RIPK4: variants seen among roughly 807,000 people sequenced by gnomAD.
The protein encoded by RIPK4 is receptor-interacting serine/threonine-protein kinase 4.
A neutral mutation model predicts 42.9 loss-of-function variants in RIPK4; 17 were observed. That is an observed-to-expected ratio of 0.40 (90% CI 0.27 to 0.59). The LOEUF (loss-of-function observed/expected upper bound fraction) is 0.59, where lower values mean the gene tolerates loss of function less well. Among genes scored for constraint, RIPK4 ranks in the 20% least tolerant of loss-of-function variants. The pLI, the probability that RIPK4 is intolerant of heterozygous loss-of-function variation, is 0.47. For missense variants in RIPK4, 897 were observed against 1,104.4 expected, an observed-to-expected ratio of 0.81 and a Z score of 2.66; for synonymous variants, 498 against 499.1, an observed-to-expected ratio of 1.00 and a Z score of 0.03.
Position 41,755,044 on chromosome 21 carries a change from G to A in RIPK4, c.474+1481C>T, listed in dbSNP as rs1429870318. Among the ~76,000 whole-genome samples, 1 of 152,154 alleles carries A rather than the reference G, an allele frequency of 6.6e-6. No homozygotes were observed. The highest frequency in any genetic ancestry group is 1.9e-4 in the East Asian group (1 of 5,194). ...GGTATTCAGTGCACGTTGGACGGCA[G>A]AGCTTACTAGTCATTAGGGCCCCAG... On this transcript the variant is annotated intron_variant, in intron 2 of 7. Transcript: ENST00000332512. This position sits in a 1 kb window ranked among gnomAD's most constrained non-coding sequence, Gnocchi z 4.2.
intron 2 of RIPK4, among the ~76,000 whole-genome samples, chr21:41,754,925 ACT>A (rs2061198777): frequency 6.6e-6 from 1 of 152,172 alleles, no homozygotes; most frequent in African/African-American, 2.4e-5. Flanking sequence ...CTAAGCAGAG[ACT>A]CAGCGAGAAC....
intron 1 of RIPK4, among the ~76,000 whole-genome samples, chr21:41,765,714 A>T (rs2061234142): frequency 1.3e-5 from 2 of 152,248 alleles, no homozygotes; most frequent in African/African-American, 2.4e-5. Context: ...ATGGTATTTT[A>T]AAAAGGTGTC....
chr21:41,765,347 A>AGGCAG (rs1013253553), intron 1 of RIPK4, among the ~76,000 whole-genome samples: 2 of 152,206 alleles, frequency 1.3e-5, no homozygotes, highest in African/African-American at 4.8e-5. Context: ...CCAGAATCTG[A>AGGCAG]GGCAGGGGAG....
intron 4 of RIPK4, among the ~76,000 whole-genome samples, chr21:41,748,382 G>A (rs1447183136): frequency 6.6e-6 from 1 of 152,222 alleles, no homozygotes; most frequent in Non-Finnish European, 1.5e-5. Context: ...GTCTTTAGAG[G>A]AAAAGGGAAT....
intron 1 of RIPK4, among the ~76,000 whole-genome samples, chr21:41,762,536 C>T (rs1269433290): frequency 6.6e-6 from 1 of 152,182 alleles, no homozygotes; most frequent in South Asian, 2.1e-4. Flanking sequence ...GGGTGTCGCC[C>T]GGCGGCATTT....
chr21:41,756,886 C>G (rs1297839798), intron 1 of RIPK4, 70 bp from the exon 2 acceptor site: 1 of 1,518,888 alleles, frequency 6.6e-7, no homozygotes, highest in African/African-American at 1.4e-5. Flanking sequence ...AGCACCCTGG[C>G]CAGAAGACGA....
In RIPK4 at chr21:41,751,531, T is replaced by G. The variant is rs552516286; in HGVS notation, c.475-286A>C. ...ATCCGGGACAGAACTGCAGAAGAATTAGAATCCACCTTCTGTAAAGCATCA... is the reference window on the plus strand; with the variant it reads ...ATCCGGGACAGAACTGCAGAAGAATGAGAATCCACCTTCTGTAAAGCATCA... On this transcript the variant is annotated intron_variant, in intron 2 of 7. Coordinates refer to ENST00000332512, the MANE Select transcript of RIPK4 (RefSeq NM_020639.3). The surrounding 1 kb of genome is among the most constrained non-coding windows in gnomAD (Gnocchi z 4.5). 2.6e-5 allele frequency among the ~76,000 whole-genome samples: 4 copies of G among 152,274 alleles called. No homozygotes were observed. The highest frequency in any genetic ancestry group is 5.9e-5 in the Non-Finnish European group (4 of 68,014).
intron 1 of RIPK4, among the ~76,000 whole-genome samples, chr21:41,765,153 T>A (rs943714121): frequency 2.0e-5 from 3 of 152,230 alleles, no homozygotes; most frequent in African/African-American, 7.2e-5. Flanking sequence ...TACTTTGCTC[T>A]TCCAATATAA....
rs774805275 is a variant in RIPK4 at position 41,741,253 on chromosome 21, G to A, written c.1940C>T (p.Thr647Met). ...CAGCCTGGCAGTGCTCGTGTGCCCC[G>A]TCTCCGCGGCCACGTGCAGGGGTGT... ...AQTPLHVAAE[T>M]GHTSTARLLL... The change falls in exon 8 of 8, where the codon ACG becomes ATG. Residue 647 changes from threonine (T) to methionine (M), a missense_variant. Physicochemically the swap from Thr to Met is moderately conservative, Grantham distance 81. Transcript: ENST00000332512. The A allele has an allele frequency of 1.4e-5, 22 of 1,608,520 alleles. No homozygotes were observed. Among genetic ancestry groups the A allele is most frequent in the South Asian group, 3.3e-5 (3 of 90,962 alleles).
chr21:41,746,954 G>A (rs547105895), intron 4 of RIPK4, 183 bp from the exon 5 acceptor site: 8 of 630,194 alleles, frequency 1.3e-5, no homozygotes, highest in East Asian at 6.1e-5. Context: ...CTCATGGTGC[G>A]CCATGCTCTC....
chr21:41,747,507 T>A (rs904418524), intron 4 of RIPK4, among the ~76,000 whole-genome samples: 4 of 152,170 alleles, frequency 2.6e-5, no homozygotes, highest in Admixed American at 1.3e-4. Flanking sequence ...AACAGCCCTC[T>A]CTGCCCTCCA....
At chr21:41,761,591 C>CCGGAGGGTTTTGAGGAAATGACAATT in intron 1 of RIPK4, among the ~76,000 whole-genome samples, 1 of 152,322 alleles carries the variant, frequency 6.6e-6, no homozygotes, top group African/African-American at 2.4e-5. Flanking sequence ...ACCCTCCTCG[C>CCGGAGGGTTTTGAGGAAATGACAATT]CGGAGGGTTT....
At chr21:41,766,797 G>A in intron 1 of RIPK4, 63 bp downstream of exon 1, 3 of 1,515,464 alleles carry the variant, frequency 2.0e-6, no homozygotes, top group East Asian at 4.9e-5. Flanking sequence ...CGGGACCAGA[G>A]CACCCCGACC....
chr21:41,741,611 C>A lies in RIPK4; in HGVS notation c.1582G>T (p.Ala528Ser). Reference sequence around the variant, plus strand: ...TCAAAGTCCACCTCGTTGACCGAGGCGTTCTTCTCCAACAGCAGCCGTGTG... The same window carrying A: ...TCAAAGTCCACCTCGTTGACCGAGGAGTTCTTCTCCAACAGCAGCCGTGTG... ...SSTRLLLEKNASVNEVDFEGR... is the reference protein window; with the variant it reads ...SSTRLLLEKNSSVNEVDFEGR... The change falls in exon 8 of 8, where the codon GCC becomes TCC. Residue 528 changes from alanine to serine, a missense_variant. Coordinates refer to ENST00000332512, the MANE Select transcript of RIPK4 (RefSeq NM_020639.3). 1 of 1,612,590 alleles carries A rather than the reference C, an allele frequency of 6.2e-7. No individual in the cohort carries two copies. The highest frequency in any genetic ancestry group is 8.5e-7 in the Non-Finnish European group (1 of 1,180,030).
At chr21:41,748,713 C>T (rs1260133905) in intron 4 of RIPK4, among the ~76,000 whole-genome samples, 1 of 152,318 alleles carries the variant, frequency 6.6e-6, no homozygotes, top group Admixed American at 6.5e-5. Context: ...AATACCAGCA[C>T]AGGCAAACCC....
intron 2 of RIPK4, among the ~76,000 whole-genome samples, chr21:41,752,810 C>T (rs1213906027): frequency 2.0e-5 from 3 of 152,068 alleles, no homozygotes; most frequent in Admixed American, 6.5e-5. Context: ...ACATCACACG[C>T]CGGGCCCTGT....
intron 3 of RIPK4, among the ~76,000 whole-genome samples, chr21:41,750,506 C>CG (rs1272741620): frequency 6.6e-6 from 1 of 152,052 alleles, no homozygotes. Flanking sequence ...TTCCAACAGA[C>CG]AAGCCATAAA....
Position 41,764,520 on chromosome 21 carries a change from C to A in RIPK4, c.182+2340G>T, listed in dbSNP as rs146392891. Among the ~76,000 whole-genome samples, 1,162 of 152,070 alleles carry A rather than the reference C, an allele frequency of 7.6e-3. 6 individuals are homozygous for A. The highest frequency in any genetic ancestry group is 0.01 in the Non-Finnish European group (700 of 67,996). On this transcript the variant is annotated intron_variant, in intron 1 of 7. Coordinates refer to ENST00000332512, the MANE Select transcript of RIPK4 (RefSeq NM_020639.3). ...GGGGTACAGGGCCGGGGGCTGCACACAAAGACCCTAGGAGAATCCTATGCC... is the reference window on the plus strand; with the variant it reads ...GGGGTACAGGGCCGGGGGCTGCACAAAAAGACCCTAGGAGAATCCTATGCC...
chr21:41,752,315 G>A (rs2061190903), intron 2 of RIPK4, among the ~76,000 whole-genome samples: 3 of 152,122 alleles, frequency 2.0e-5, no homozygotes, highest in African/African-American at 7.2e-5. Context: ...CCTTAATTCT[G>A]GGCTGGCCAT....
Sources: allele counts gnomAD v4.1 joint callset (sites outside exome capture counted in the v4.1 genomes callset), GRCh38; gene constraint gnomAD v4.1.1; non-coding constraint Gnocchi (gnomAD v3.1); transcripts MANE v1.5; gene names NCBI Gene and HGNC (gene_info 2026-07-23, HGNC 2026-07-21).